RGS22: variants seen among roughly 807,000 people sequenced by gnomAD.
The protein encoded by RGS22 is regulator of G protein signaling 22.
RGS22 carries 148 observed loss-of-function variants against 172.9 expected under a neutral mutation model. That is an observed-to-expected ratio of 0.86 (90% confidence interval 0.75 to 0.98). The LOEUF (loss-of-function observed/expected upper bound fraction) is 0.98, where lower values mean the gene tolerates loss of function less well. Among genes scored for constraint, RGS22 ranks in the 50% least tolerant of loss-of-function variants. The probability of loss-of-function intolerance (pLI) is 0.00; values close to 1 mark genes in which losing one functional copy is unlikely to be tolerated. For synonymous variants in RGS22, 458 were observed against 480.2 expected, an observed-to-expected ratio of 0.95 and a Z score of 0.60; for missense variants, 1,347 against 1,440.8, an observed-to-expected ratio of 0.93 and a Z score of 1.05.
chr8:99,996,707 T>C (rs1222629136), intron 19 of RGS22, among the ~76,000 whole-genome samples, 177 bp from the exon 20 acceptor site: 1 of 152,180 alleles, frequency 6.6e-6, no homozygotes, highest in Non-Finnish European at 1.5e-5. Flanking sequence ...ACCAAATTTT[T>C]CTGAACACTC....
chr8:99,963,716 A>G (rs1349074050), intron 24 of RGS22, among the ~76,000 whole-genome samples: 2 of 152,170 alleles, frequency 1.3e-5, no homozygotes, highest in Non-Finnish European at 2.9e-5. Flanking sequence ...TAATCTAGAG[A>G]TGATTCGAAG....
At chr8:100,047,953 T>C (rs554642510) in intron 10 of RGS22, among the ~76,000 whole-genome samples, 1 of 92,490 alleles carries the variant, frequency 1.1e-5, no homozygotes, top group Non-Finnish European at 2.0e-5. Context: ...GCGAGGGCTG[T>C]GTGTGTACTG....
At chr8:99,974,740 G>C (rs1588883467) in intron 23 of RGS22, among the ~76,000 whole-genome samples, 1 of 151,386 alleles carries the variant, frequency 6.6e-6, no homozygotes, top group East Asian at 1.9e-4. Flanking sequence ...AGAGGTTGCA[G>C]TGAGCTGAGA....
chr8:100,014,102 A>G (rs1816702090), intron 14 of RGS22, among the ~76,000 whole-genome samples: 1 of 152,172 alleles, frequency 6.6e-6, no homozygotes, highest in African/African-American at 2.4e-5. Flanking sequence ...GGGAAAAACC[A>G]CTGGTATAAA....
At chr8:100,091,363 C>T (rs1812573769) in intron 3 of RGS22, among the ~76,000 whole-genome samples, 2 of 150,698 alleles carry the variant, frequency 1.3e-5, no homozygotes, top group Admixed American at 1.3e-4. Flanking sequence ...AAAAAGGCAG[C>T]CCAGGTGAGT....
intron 14 of RGS22, among the ~76,000 whole-genome samples, chr8:100,034,564 C>T (rs924670172): frequency 6.6e-6 from 1 of 152,124 alleles, no homozygotes; most frequent in Admixed American, 6.5e-5. Flanking sequence ...AGATTCAATG[C>T]CATCCCCATC....
chr8:100,067,592 A>G (rs952249559), intron 6 of RGS22, among the ~76,000 whole-genome samples: 2 of 151,054 alleles, frequency 1.3e-5, no homozygotes, highest in Admixed American at 1.3e-4. Flanking sequence ...AGACTTTAAC[A>G]TCTTTAACAT....
chr8:100,093,566 T>C (rs934730103), intron 2 of RGS22, 57 bp from the exon 3 acceptor site: 1 of 1,133,604 alleles, frequency 8.8e-7, no homozygotes, highest in Non-Finnish European at 1.3e-6. Flanking sequence ...AAATCATGCC[T>C]ATATTATTCT....
chr8:100,008,186 C>T (rs1319356059), intron 15 of RGS22, among the ~76,000 whole-genome samples, 189 bp downstream of exon 15: 1 of 151,828 alleles, frequency 6.6e-6, no homozygotes, highest in Non-Finnish European at 1.5e-5. Context: ...TACAGGCGCC[C>T]ACCACCACGC....
chr8:99,980,283 A>T (rs1295998043), intron 22 of RGS22, among the ~76,000 whole-genome samples: 1 of 152,168 alleles, frequency 6.6e-6, no homozygotes, highest in African/African-American at 2.4e-5. Context: ...ATATACATTA[A>T]AAAAGGATTG....
intron 14 of RGS22, among the ~76,000 whole-genome samples, chr8:100,024,291 G>C (rs1316765442): frequency 1.3e-5 from 2 of 152,124 alleles, no homozygotes; most frequent in African/African-American, 4.8e-5. Flanking sequence ...ACAGAATGTT[G>C]ATCATTGCTG....
chr8:99,978,417 A>T (rs1812211389), intron 22 of RGS22, among the ~76,000 whole-genome samples: 1 of 152,170 alleles, frequency 6.6e-6, no homozygotes, highest in Non-Finnish European at 1.5e-5. Context: ...ATACTAGTTG[A>T]TCTGCCATAC....
At chr8:100,052,247 A>ATATATAAATG (rs1439882544) in intron 10 of RGS22, among the ~76,000 whole-genome samples, 3 of 138,368 alleles carry the variant, frequency 2.2e-5, no homozygotes, top group South Asian at 2.1e-4. Context: ...TTATATATAA[A>ATATATAAATG]TATATAAATG....
At chr8:100,001,522 C>T (rs1815087869) in intron 18 of RGS22, among the ~76,000 whole-genome samples, 1 of 151,960 alleles carries the variant, frequency 6.6e-6, no homozygotes, top group African/African-American at 2.4e-5. Context: ...GCGTAAGCCA[C>T]CACGCCCAGC....
At position 100,052,975 on chromosome 8, in the gene RGS22, CCCTGTTTA is replaced by C. The variant is rs776014509; in HGVS notation, c.1515-7_1515del. ...GAATGAGTAACACAGAATCTTGGTG[CCCTGTTTA>C]TTGGAAAAATAAATGTAAGATTGAA... is the stretch of plus-strand genomic sequence containing the variant. On this transcript the variant is annotated splice_acceptor_variant and splice_polypyrimidine_tract_variant and coding_sequence_variant and intron_variant, in exon 10 of 28. Coordinates refer to ENST00000360863, the MANE Select transcript of RGS22 (RefSeq NM_015668.5). LOFTEE classifies it high-confidence loss of function. 2 of 1,612,602 alleles carry C rather than the reference CCCTGTTTA, an allele frequency of 1.2e-6. No homozygotes were observed. Among genetic ancestry groups the C allele is most frequent in the East Asian group, 4.5e-5 (2 of 44,838 alleles).
intron 15 of RGS22, among the ~76,000 whole-genome samples, chr8:100,007,698 T>A (rs1815872480): frequency 6.6e-6 from 1 of 151,976 alleles, no homozygotes; most frequent in East Asian, 1.9e-4. Flanking sequence ...AAAACTCAGA[T>A]TTCTCTACTC....
chr8:99,967,373 C>T (rs550157945), intron 23 of RGS22, among the ~76,000 whole-genome samples: 17 of 151,688 alleles, frequency 1.1e-4, no homozygotes, highest in African/African-American at 2.9e-4. Context: ...GGAACCCCAG[C>T]GAGACAGAAC....
intron 3 of RGS22, among the ~76,000 whole-genome samples, chr8:100,085,448 G>T (rs1045233058): frequency 2.0e-5 from 3 of 152,102 alleles, no homozygotes; most frequent in African/African-American, 7.2e-5. Flanking sequence ...GAGGGGAAGG[G>T]ATATGAAAGT....
At chr8:99,991,979 A>C (rs1029463406) in intron 20 of RGS22, among the ~76,000 whole-genome samples, 1 of 152,212 alleles carries the variant, frequency 6.6e-6, no homozygotes, top group African/African-American at 2.4e-5. Flanking sequence ...CTCAGAGAAA[A>C]GAATTTTCAA....
Sources: allele counts gnomAD v4.1 joint callset (sites outside exome capture counted in the v4.1 genomes callset), GRCh38; gene constraint gnomAD v4.1.1; transcripts MANE v1.5; gene names NCBI Gene and HGNC (gene_info 2026-07-23, HGNC 2026-07-21).